The following RFX7 variants were observed in gnomAD, a reference collection of about 807,000 sequenced individuals.
RFX7 encodes DNA-binding protein RFX7.
Under a neutral mutation model 111.8 loss-of-function variants are expected in RFX7, and 26 were observed. That is an observed-to-expected ratio of 0.23 (90% CI 0.17 to 0.32). The LOEUF is 0.32. Among genes scored for constraint, RFX7 ranks in the 10% least tolerant of loss-of-function variants. The pLI is 1.00. For missense variants in RFX7, 1,573 were observed against 1,772.9 expected (o/e 0.89, Z 2.02); for synonymous variants, 624 against 624.4 (o/e 1.00, Z 0.01).
intron 2 of RFX7, among the ~76,000 whole-genome samples, chr15:56,186,101 GGC>G (rs1420361923): frequency 6.6e-6 from 1 of 152,156 alleles, no homozygotes; most frequent in African/African-American, 2.4e-5. Context: ...CTACAAAACA[GGC>G]TTAAGGCTCT....
rs573920508 is a variant in RFX7 at position 56,167,631 on chromosome 15, G to T, written c.195+11639C>A. 2.0e-5 allele frequency among the ~76,000 whole-genome samples: 3 copies of T among 152,214 alleles called. No individual in the cohort carries two copies. The East Asian group carries it at 5.8e-4, about 29-fold the overall frequency. On this transcript the variant is annotated intron_variant, in intron 3 of 9. Transcript: ENST00000559447. ...TATTGTTAAAAATTACATTTTCACT[G>T]CAAAAGCACTAAAACATTAACAAAA... is the stretch of plus-strand genomic sequence containing the variant.
rs552929075 is a variant in RFX7, at chr15:56,087,401, G to T, written c.*5944C>A. On this transcript the variant is annotated 3_prime_UTR_variant, in exon 10 of 10. Coordinates refer to ENST00000559447, the MANE Select transcript of RFX7 (RefSeq NM_022841.7). Reference sequence around the variant, plus strand: ...TCATGCCCTGGGCTCCTTGTATCTTGTTGCTCAATCATCCTCAGCATGTGT... The same window carrying T: ...TCATGCCCTGGGCTCCTTGTATCTTTTTGCTCAATCATCCTCAGCATGTGT... 9.6e-5 allele frequency: 44 copies of T among 456,618 alleles called. 1 individual carries two copies. The highest frequency in any genetic ancestry group is 6.8e-4 in the South Asian group (44 of 64,556). 28.3% of individuals were successfully genotyped at this position (456,618 alleles called of 1,614,324 possible).
rs183032114 is a variant in RFX7 at position 56,106,849 on chromosome 15, T to C, written c.402-3179A>G. Among the ~76,000 whole-genome samples the C allele has an allele frequency of 9.9e-5, 15 of 151,594 alleles. 1 individual carries two copies. The East Asian group carries it at 2.7e-3, about 28-fold the overall frequency. ...AGGCCATGTGGAGATCTTGGTTAGTTTACATCTCATTTTCCTGCTTCACAA... is the reference window on the plus strand; with the variant it reads ...AGGCCATGTGGAGATCTTGGTTAGTCTACATCTCATTTTCCTGCTTCACAA... On this transcript the variant is annotated intron_variant, in intron 5 of 9. Transcript: ENST00000559447.
intron 5 of RFX7, among the ~76,000 whole-genome samples, chr15:56,113,955 A>C (rs2041972086): frequency 6.6e-6 from 1 of 152,234 alleles, no homozygotes; most frequent in Non-Finnish European, 1.5e-5. Context: ...CTGAAAGACA[A>C]ATGAAGTACA....
rs142856536 is a variant in RFX7 at position 56,210,360 on chromosome 15, T to C, written c.162-31057A>G. Among the ~76,000 whole-genome samples the C allele has an allele frequency of 3.2e-3, 487 of 152,192 alleles. 5 individuals carry two copies. The highest frequency in any genetic ancestry group is 0.026 in the Admixed American group (398 of 15,282). On this transcript the variant is annotated intron_variant, in intron 2 of 9. Transcript: ENST00000559447. Reference sequence around the variant, plus strand: ...GGAGAAACAGAATAGACTATTACACTTGAAGAGTTCTGAAGAGTTCAATAT... The same window carrying C: ...GGAGAAACAGAATAGACTATTACACCTGAAGAGTTCTGAAGAGTTCAATAT...
chr15:56,242,692 TTAA>T (rs1466739222), intron 2 of RFX7, among the ~76,000 whole-genome samples: 3 of 152,202 alleles, frequency 2.0e-5, no homozygotes, highest in African/African-American at 7.2e-5. Flanking sequence ...GTGCTGCATA[TTAA>T]TATTCTTACG....
At position 56,094,020 on chromosome 15, in the gene RFX7, G is replaced by T; in HGVS notation, c.3708C>A (p.Phe1236Leu). The T allele has an allele frequency of 6.2e-7, 1 of 1,613,910 alleles. No homozygotes were observed. The highest frequency in any genetic ancestry group is 8.5e-7 in the Non-Finnish European group (1 of 1,179,844). Residue 1236 changes from phenylalanine to leucine, a missense_variant, in exon 10 of 10, where the codon TTC becomes TTA. Phe to Leu is a conservative substitution (Grantham distance 22). Around this residue, in one of 7 missense-constraint regions of RFX7, gnomAD observed 411 missense variants for 478.1 expected, o/e 0.86. Coordinates refer to ENST00000559447, the MANE Select transcript of RFX7 (RefSeq NM_022841.7). ...TTGCTTGCTTCTGAAGAGCGTTTGG[G>T]AAGGCTGTCTGCATCATGACTGTCA... ...VPLTVMMQTA[F>L]PNALQKQANS... is the part of the protein sequence containing the mutation.
chr15:56,243,066 C>CCCCACA, intron 2 of RFX7, 59 bp downstream of exon 2: 1 of 1,161,764 alleles, frequency 8.6e-7, no homozygotes, highest in Non-Finnish European at 1.2e-6. Flanking sequence ...GCCCCCCACC[C>CCCCACA]ACTTTGCAGC....
intron 3 of RFX7, among the ~76,000 whole-genome samples, chr15:56,159,189 C>A (rs1336553770): frequency 2.0e-5 from 3 of 152,200 alleles, no homozygotes; most frequent in African/African-American, 7.2e-5. Flanking sequence ...CCTTTTAAGG[C>A]TGAATACTAC....
At chr15:56,105,775 G>C (rs1372272194) in intron 5 of RFX7, among the ~76,000 whole-genome samples, 1 of 152,110 alleles carries the variant, frequency 6.6e-6, no homozygotes, top group African/African-American at 2.4e-5. Flanking sequence ...TAGTTTATTT[G>C]GGTCAAGGTT....
rs3803460 is a variant in RFX7, at chr15:56,095,408, C to T, written c.2320G>A (p.Val774Ile). Residue 774 changes from valine to isoleucine, a missense_variant, in exon 10 of 10, where the codon GTT becomes ATT. This residue lies in a region of RFX7 where 625 missense variants were observed against 632.2 expected (regional missense o/e 0.99). Coordinates refer to ENST00000559447, the MANE Select transcript of RFX7 (RefSeq NM_022841.7). The stretch of plus-strand genomic sequence containing the variant: ...CATCCATTTGGATTAAAGCTGCCAA[C>T]TGACTTTGAATCACTGTCCAAGAGA... ...VFLLDSDSKS[V>I]GSFNPNGWQQ... 4 of 1,613,352 alleles carry T rather than the reference C, an allele frequency of 2.5e-6. No homozygotes were observed. The South Asian group carries it at 4.4e-5, about 18-fold the overall frequency.
chr15:56,157,519 CT>C (rs1394081019), intron 3 of RFX7, among the ~76,000 whole-genome samples: 1 of 152,180 alleles, frequency 6.6e-6, no homozygotes, highest in Non-Finnish European at 1.5e-5. Flanking sequence ...AAGAATGCCA[CT>C]TTTATGTTCA....
At chr15:56,142,522 C>T (rs1239288322) in intron 5 of RFX7, among the ~76,000 whole-genome samples, 2 of 152,196 alleles carry the variant, frequency 1.3e-5, no homozygotes, top group African/African-American at 2.4e-5. Context: ...TCCTACACCA[C>T]TGTCCTTGCA....
intron 2 of RFX7, among the ~76,000 whole-genome samples, chr15:56,220,098 ATGGTTT>A (rs2043408240): frequency 2.0e-5 from 3 of 152,070 alleles, no homozygotes; most frequent in East Asian, 3.9e-4. Context: ...TTCTGACTAG[ATGGTTT>A]TGATTTGCAT....
At chr15:56,135,944 T>C (rs1341217975) in intron 5 of RFX7, among the ~76,000 whole-genome samples, 62 of 152,258 alleles carry the variant, frequency 4.1e-4, no homozygotes, top group Non-Finnish European at 8.4e-4. Context: ...GGCATTATTT[T>C]TGAGGGCTCT....
intron 3 of RFX7, among the ~76,000 whole-genome samples, chr15:56,156,563 G>T (rs572797929): frequency 6.6e-6 from 1 of 152,148 alleles, no homozygotes; most frequent in Admixed American, 6.5e-5. Context: ...GTGGCCTTGT[G>T]TGAGAGTTTT....
At chr15:56,120,165 C>A (rs1003232370) in intron 5 of RFX7, among the ~76,000 whole-genome samples, 5 of 152,276 alleles carry the variant, frequency 3.3e-5, no homozygotes, top group Admixed American at 3.3e-4. Context: ...TCTGTGTCCC[C>A]TTCAATTTCT....
intron 5 of RFX7, among the ~76,000 whole-genome samples, chr15:56,137,895 G>A (rs1387952286): frequency 6.6e-6 from 1 of 151,950 alleles, no homozygotes; most frequent in Non-Finnish European, 1.5e-5. Flanking sequence ...TCAGGAGCAG[G>A]TTGTTCAGTT....
At chr15:56,114,896 C>T (rs2041989864) in intron 5 of RFX7, among the ~76,000 whole-genome samples, 1 of 151,992 alleles carries the variant, frequency 6.6e-6, no homozygotes, top group Non-Finnish European at 1.5e-5. Flanking sequence ...CTGATAAATC[C>T]TCAAGATTTT....
Sources: allele counts gnomAD v4.1 joint callset (sites outside exome capture counted in the v4.1 genomes callset), GRCh38; gene constraint gnomAD v4.1.1; regional missense constraint gnomAD v4.1.1; transcripts MANE v1.5; gene names NCBI Gene and HGNC (gene_info 2026-07-23, HGNC 2026-07-21).